PTPRM: variants seen among roughly 807,000 people sequenced by gnomAD.
PTPRM encodes the protein receptor-type tyrosine-protein phosphatase mu.
A neutral mutation model predicts 186.7 loss-of-function variants in PTPRM; 47 were observed. The observed-to-expected ratio is 0.25, with a 90% confidence interval of 0.20 to 0.32. The LOEUF (loss-of-function observed/expected upper bound fraction) is 0.32. PTPRM is among the 10% of genes least tolerant of loss of function. PTPRM has a pLI of 1.00. For missense variants in PTPRM, 1,494 were observed against 1,865.0 expected, an observed-to-expected ratio of 0.80 and a Z score of 3.66; for synonymous variants, 668 against 674.9, an observed-to-expected ratio of 0.99 and a Z score of 0.16.
chr18:7,972,183 C>T (rs1447964658), intron 7 of PTPRM, among the ~76,000 whole-genome samples: 2 of 126,224 alleles, frequency 1.6e-5, no homozygotes, highest in Admixed American at 1.5e-4. Flanking sequence ...AAATTGGAAA[C>T]CATCATTCTC....
intron 23 of PTPRM, among the ~76,000 whole-genome samples, chr18:8,352,690 G>A (rs1264868222): frequency 2.8e-5 from 2 of 71,326 alleles, no homozygotes; most frequent in Non-Finnish European, 5.7e-5. Flanking sequence ...TTTGTTTTTT[G>A]AGATGGAGTC....
chr18:8,014,333 C>A (rs2084723891), intron 7 of PTPRM, among the ~76,000 whole-genome samples: 1 of 152,066 alleles, frequency 6.6e-6, no homozygotes, highest in South Asian at 2.1e-4. Flanking sequence ...GACTGAAAAT[C>A]TTATTTTTCC....
intron 2 of PTPRM, among the ~76,000 whole-genome samples, chr18:7,873,893 T>G (rs2048098430): frequency 6.6e-6 from 1 of 152,220 alleles, no homozygotes; most frequent in Admixed American, 6.5e-5. Context: ...ACCTTTTGGC[T>G]AGAAATCTGA....
At chr18:7,908,127 T>A (rs2146575438) in intron 4 of PTPRM, among the ~76,000 whole-genome samples, 1 of 152,264 alleles carries the variant, frequency 6.6e-6, no homozygotes, top group African/African-American at 2.4e-5. Flanking sequence ...GCAGAGACGT[T>A]CTTAGTTTTA....
At chr18:7,998,666 T>A (rs7242946) in intron 7 of PTPRM, among the ~76,000 whole-genome samples, 27,504 of 152,104 alleles carry the variant, frequency 0.18, 2,605 homozygotes, top group Middle Eastern at 0.36. Context: ...TTTTTTTTTA[T>A]GTTTTTTTGA....
intron 5 of PTPRM, among the ~76,000 whole-genome samples, chr18:7,938,333 A>C (rs974780970): frequency 6.6e-6 from 1 of 152,216 alleles, no homozygotes; most frequent in South Asian, 2.1e-4. Context: ...TGACTAAGGA[A>C]AAGTGACGTT....
At chr18:7,641,271 G>C (rs1319356701) in intron 1 of PTPRM, among the ~76,000 whole-genome samples, 3 of 152,088 alleles carry the variant, frequency 2.0e-5, no homozygotes, top group African/African-American at 4.8e-5. Flanking sequence ...GTAAGTATGT[G>C]TGTATGTACG....
At chr18:8,008,979 C>T (rs1489807799) in intron 7 of PTPRM, among the ~76,000 whole-genome samples, 1 of 152,112 alleles carries the variant, frequency 6.6e-6, no homozygotes, top group Admixed American at 6.5e-5. Flanking sequence ...GGCTTGAAGA[C>T]AGTTTAATGC....
chr18:7,608,916 C>T (rs556677764), intron 1 of PTPRM, among the ~76,000 whole-genome samples: 1 of 152,236 alleles, frequency 6.6e-6, no homozygotes, highest in South Asian at 2.1e-4. Context: ...AGGAAGCAAG[C>T]AACCCCAGAA....
At chr18:7,578,266 C>T (rs1457563878) in intron 1 of PTPRM, among the ~76,000 whole-genome samples, 2 of 151,780 alleles carry the variant, frequency 1.3e-5, no homozygotes, top group East Asian at 1.9e-4. Flanking sequence ...TGGGCTCGAG[C>T]GATCCTCCCA....
intron 20 of PTPRM, among the ~76,000 whole-genome samples, chr18:8,301,941 C>T (rs1200042946): frequency 1.3e-5 from 2 of 152,086 alleles, no homozygotes; most frequent in African/African-American, 2.4e-5. Context: ...GTGTGGCCGC[C>T]CAGGTGGCCG....
At chr18:7,620,262 C>T (rs771873092) in intron 1 of PTPRM, among the ~76,000 whole-genome samples, 2 of 152,108 alleles carry the variant, frequency 1.3e-5, no homozygotes. Flanking sequence ...GTCTGTTTCC[C>T]ATAGGTTTCT....
intron 7 of PTPRM, 142 bp from the exon 8 acceptor site, chr18:8,069,544 C>T: frequency 1.3e-6 from 1 of 768,814 alleles, no homozygotes; most frequent in Non-Finnish European, 2.0e-6. Context: ...AAATGCCTAG[C>T]CAAGATTTAG....
rs193091174 is a variant in PTPRM at position 7,623,960 on chromosome 18, G to T, written c.73+56069G>T. On this transcript the variant is annotated intron_variant, in intron 1 of 32. Coordinates refer to ENST00000580170, the MANE Select transcript of PTPRM (RefSeq NM_001105244.2). ...GGAGTGAACTGTGAGACCAAATTATGAGAGAAGGACTATAGAAAATCATGC... is the reference window on the plus strand; with the variant it reads ...GGAGTGAACTGTGAGACCAAATTATTAGAGAAGGACTATAGAAAATCATGC... Among the ~76,000 whole-genome samples, 72 of 152,248 alleles carry T rather than the reference G, an allele frequency of 4.7e-4. No individual in the cohort carries two copies. The East Asian group carries it at 6.2e-3, about 13-fold the overall frequency.
intron 1 of PTPRM, among the ~76,000 whole-genome samples, chr18:7,655,461 C>T (rs898677766): frequency 2.0e-5 from 3 of 152,142 alleles, no homozygotes; most frequent in African/African-American, 7.2e-5. Flanking sequence ...GGTGGGAATG[C>T]AAAATAGAAC....
At chr18:8,071,433 G>T (rs1336662869) in intron 8 of PTPRM, among the ~76,000 whole-genome samples, 1 of 152,076 alleles carries the variant, frequency 6.6e-6, no homozygotes, top group African/African-American at 2.4e-5. Flanking sequence ...TGTGGTTCCA[G>T]CCTTTTTCTA....
chr18:7,933,871 CAG>C (rs1199661805), intron 5 of PTPRM, among the ~76,000 whole-genome samples: 1 of 152,142 alleles, frequency 6.6e-6, no homozygotes, highest in Non-Finnish European at 1.5e-5. Context: ...AAATATCATG[CAG>C]AGTTACAAAA....
At chr18:8,347,237 G>A (rs2095510218) in intron 23 of PTPRM, among the ~76,000 whole-genome samples, 1 of 152,184 alleles carries the variant, frequency 6.6e-6, no homozygotes, top group African/African-American at 2.4e-5. Context: ...ATTTTGAAAA[G>A]TAGATAATTG....
At chr18:8,367,633 G>A (rs1391280123) in intron 23 of PTPRM, among the ~76,000 whole-genome samples, 1 of 152,260 alleles carries the variant, frequency 6.6e-6, no homozygotes, top group East Asian at 1.9e-4. Context: ...CTGGAACTGG[G>A]TGCGGGGGGA....
Sources: gnomAD v4.1 joint callset for allele counts (sites outside exome capture counted in the v4.1 genomes callset) on GRCh38, gnomAD v4.1.1 for gene constraint, MANE v1.5 for transcripts, NCBI Gene and HGNC (gene_info 2026-07-23, HGNC 2026-07-21) for gene names.